TUSC7: variants seen among roughly 807,000 people sequenced by gnomAD.
TUSC7 encodes the protein tumor suppressor candidate 7.
At chr3:116,712,489 G>A (rs1368014906) in intron 1 of TUSC7, 2 of 152,202 alleles carry the variant, frequency 1.3e-5, no homozygotes, top group South Asian at 2.1e-4. Context: ...TCAACAAATT[G>A]GATGGAATTC....
At chr3:116,710,300 C>A (rs560955279) in intron 1 of TUSC7, 17 of 152,254 alleles carry the variant, frequency 1.1e-4, no homozygotes, top group African/African-American at 3.6e-4. Flanking sequence ...GTCTGCCACA[C>A]ATAACTTCCC....
At chr3:116,716,159 T>C (rs1576302298) in intron 1 of TUSC7, 1 of 152,248 alleles carries the variant, frequency 6.6e-6, no homozygotes, top group Admixed American at 6.5e-5. Context: ...TATAAACTTA[T>C]ATTAACATTT....
chr3:116,713,076 T>A (rs2051476222), intron 1 of TUSC7, among the ~76,000 whole-genome samples: 1 of 152,208 alleles, frequency 6.6e-6, no homozygotes, highest in Admixed American at 6.5e-5. Context: ...CCTTTCTTCT[T>A]ATTCTAGATT....
intron 1 of TUSC7, among the ~76,000 whole-genome samples, chr3:116,715,225 C>T (rs891266515): frequency 6.6e-6 from 1 of 152,076 alleles, no homozygotes; most frequent in Non-Finnish European, 1.5e-5. Context: ...TTTCTCCATT[C>T]ACCAACTGAA....
At chr3:116,716,146 A>G (rs776684751) in intron 1 of TUSC7, 24 of 152,368 alleles carry the variant, frequency 1.6e-4, no homozygotes, top group South Asian at 1.0e-3. Context: ...CTGATTTCTA[A>G]AATATAAACT....
At chr3:116,711,818 G>A (rs1362107075) in intron 1 of TUSC7, among the ~76,000 whole-genome samples, 1 of 152,140 alleles carries the variant, frequency 6.6e-6, no homozygotes, top group Non-Finnish European at 1.5e-5. Context: ...ACTTGCTTCT[G>A]AGTATTAACT....
chr3:116,710,602 G>T (rs574728025), intron 1 of TUSC7, among the ~76,000 whole-genome samples: 42 of 152,050 alleles, frequency 2.8e-4, no homozygotes, highest in Admixed American at 1.0e-3. Flanking sequence ...AAACTGATAT[G>T]AAAGAAAATT....
chr3:116,716,000 A>C (rs553639773), intron 1 of TUSC7, among the ~76,000 whole-genome samples: 1 of 152,336 alleles, frequency 6.6e-6, no homozygotes, highest in South Asian at 2.1e-4. Flanking sequence ...ATTTTGAAAA[A>C]AGTGCCCTGT....
intron 1 of TUSC7, chr3:116,716,499 G>C (rs2051508879): frequency 1.3e-5 from 2 of 152,132 alleles, no homozygotes; most frequent in African/African-American, 4.8e-5. Context: ...TGACTGCTCT[G>C]ACAGCAAAAA....
intron 1 of TUSC7, among the ~76,000 whole-genome samples, chr3:116,713,149 T>C (rs1021256080): frequency 1.3e-5 from 2 of 152,224 alleles, no homozygotes; most frequent in Admixed American, 1.3e-4. Flanking sequence ...TTTAAGGCTA[T>C]GTTTTAATTA....
In TUSC7 at chr3:116,711,985, T is replaced by A. The variant is rs1170590660; in HGVS notation, n.98+2109T>A. Among the ~76,000 whole-genome samples the A allele has an allele frequency of 2.0e-5, 3 of 152,338 alleles. No homozygotes were observed. The East Asian group carries it at 5.8e-4, about 29-fold the overall frequency. ...TTTATCCTTTTTTGTGAGGCACATT[T>A]TATGAATTGGTTATTATCTGCATTA... On this transcript the variant is annotated intron_variant and non_coding_transcript_variant, in intron 1 of 2. Coordinates refer to ENST00000477805, the Ensembl canonical transcript of TUSC7.
intron 1 of TUSC7, chr3:116,712,816 G>A (rs1269168577): frequency 6.6e-6 from 1 of 152,092 alleles, no homozygotes; most frequent in Non-Finnish European, 1.5e-5. Context: ...TGCATCTCAT[G>A]CTTTTAGGTT....
intron 1 of TUSC7, among the ~76,000 whole-genome samples, chr3:116,710,944 G>C (rs2051457260): frequency 1.3e-5 from 2 of 152,098 alleles, no homozygotes; most frequent in Non-Finnish European, 2.9e-5. Context: ...TTAACAAAGA[G>C]TGCTTCCCAA....
chr3:116,714,410 T>C (rs1479730798), intron 1 of TUSC7, among the ~76,000 whole-genome samples: 2 of 152,246 alleles, frequency 1.3e-5, no homozygotes, highest in Admixed American at 1.3e-4. Context: ...ATTTTAGATA[T>C]CTGCAAGTTT....
rs563213825 is a variant in TUSC7, at chr3:116,715,096, T to A, written n.99-2665T>A. Among the ~76,000 whole-genome samples, 35 of 152,348 alleles carry A rather than the reference T, an allele frequency of 2.3e-4. 1 individual carries two copies. The highest frequency in any genetic ancestry group is 8.2e-4 in the African/African-American group (34 of 41,596). ...AGAATGATACAGCATATAGCTTTTT[T>A]CAGATTGGCTTCTTTTACTTAGTAA... is the stretch of plus-strand genomic sequence containing the variant. On this transcript the variant is annotated intron_variant and non_coding_transcript_variant, in intron 1 of 2. Transcript: ENST00000477805.
Position 116,714,835 on chromosome 3 carries a change from A to G in TUSC7, n.99-2926A>G, listed in dbSNP as rs140198854. On this transcript the variant is annotated intron_variant and non_coding_transcript_variant, in intron 1 of 2. Transcript: ENST00000477805. Reference sequence around the variant, plus strand: ...ACAATTGATGAACCTGCATTGACATATAATCACACAAAGTCCATAGTTTGC... The same window carrying G: ...ACAATTGATGAACCTGCATTGACATGTAATCACACAAAGTCCATAGTTTGC... 3.7e-3 allele frequency among the ~76,000 whole-genome samples: 566 copies of G among 152,308 alleles called. 6 individuals carry two copies. The highest frequency in any genetic ancestry group is 0.013 in the African/African-American group (529 of 41,566).
At chr3:116,711,591 C>A (rs2051463540) in intron 1 of TUSC7, among the ~76,000 whole-genome samples, 1 of 152,138 alleles carries the variant, frequency 6.6e-6, no homozygotes, top group Non-Finnish European at 1.5e-5. Flanking sequence ...AATCCTCAGA[C>A]TATTAGACCA....
chr3:116,714,935 T>C (rs955574370), intron 1 of TUSC7, among the ~76,000 whole-genome samples: 2 of 152,202 alleles, frequency 1.3e-5, no homozygotes, highest in African/African-American at 4.8e-5. Context: ...TATACCACTA[T>C]AGTATTGTAC....
intron 1 of TUSC7, among the ~76,000 whole-genome samples, chr3:116,714,730 G>A (rs767139450): frequency 2.0e-5 from 3 of 151,982 alleles, no homozygotes; most frequent in Non-Finnish European, 2.9e-5. Flanking sequence ...AAGATACACC[G>A]ATTTCTCATA....
Sources: allele counts gnomAD v4.1 joint callset (sites outside exome capture counted in the v4.1 genomes callset), GRCh38; gene constraint gnomAD v4.1.1; transcripts MANE v1.5; gene names NCBI Gene and HGNC (gene_info 2026-07-23, HGNC 2026-07-21).